Variants in DMD observed in about 807,000 individuals in gnomAD.
DMD encodes mutant dystrophin.
A neutral mutation model predicts 330.1 loss-of-function variants in DMD; 63 were observed. The observed-to-expected ratio is 0.19, with a 90% CI of 0.16 to 0.24. DMD has a LOEUF of 0.24. DMD is among the 10% of genes least tolerant of loss of function. DMD has a pLI of 1.00. For synonymous variants in DMD, 1,223 were observed against 959.8 expected (o/e 1.27, Z -5.07); for missense variants, 3,344 against 2,684.1 (o/e 1.25, Z -5.43).
At chrX:33,043,572 C>T (rs1021929011) in intron 1 of DMD, among the ~76,000 whole-genome samples, 8 of 110,982 alleles carry the variant, frequency 7.2e-5, no homozygotes, top group Admixed American at 3.8e-4. Context: ...CAAGCATACA[C>T]GCATGCACAA....
chrX:31,257,655 T>G (rs895958246), intron 63 of DMD, among the ~76,000 whole-genome samples: 7 of 112,427 alleles, frequency 6.2e-5, no homozygotes, highest in African/African-American at 2.3e-4. Context: ...ATCTCAAGGA[T>G]GTAGGCAGGC....
intron 7 of DMD, among the ~76,000 whole-genome samples, chrX:32,799,714 G>A (rs2076413326): frequency 9.1e-6 from 1 of 109,386 alleles, no homozygotes; most frequent in South Asian, 4.0e-4. Context: ...AAATCATAAC[G>A]GGAAGAGAAT....
chrX:32,481,609 T>C (rs1268875855), intron 21 of DMD, among the ~76,000 whole-genome samples: 3 of 111,518 alleles, frequency 2.7e-5, no homozygotes, highest in African/African-American at 9.8e-5. Flanking sequence ...GCCCTCATTC[T>C]TCACCTTTGG....
chrX:32,624,307 G>A (rs1289496549), intron 11 of DMD, among the ~76,000 whole-genome samples: 1 of 111,432 alleles, frequency 9.0e-6, no homozygotes, highest in Non-Finnish European at 1.9e-5. Flanking sequence ...GGCAGGAGTT[G>A]GTCCTGACAG....
rs1168569514 is a variant in DMD, at chrX:32,628,790, G to A, written c.1332-14337C>T. On this transcript the variant is annotated intron_variant, in intron 11 of 78. Transcript: ENST00000357033. ...CTTCTTTGACCCACTGATAATTCAA[G>A]AGCATATTGTTTAATTTCCATGTGT... 5.4e-5 allele frequency among the ~76,000 whole-genome samples: 6 copies of A among 111,434 alleles called. No individual in the cohort carries two copies. The Admixed American group carries it at 5.7e-4, about 11-fold the overall frequency.
intron 42 of DMD, among the ~76,000 whole-genome samples, chrX:32,297,563 C>T (rs899474818): frequency 1.2e-4 from 13 of 111,727 alleles, no homozygotes; most frequent in Admixed American, 4.8e-4. Flanking sequence ...TGAGCCACCG[C>T]GCCCAGCCTG....
At chrX:32,421,780 C>T (rs959318451) in intron 29 of DMD, among the ~76,000 whole-genome samples, 5 of 111,660 alleles carry the variant, frequency 4.5e-5, no homozygotes, top group Non-Finnish European at 7.5e-5. Context: ...TCCGGTGTGA[C>T]GCTTTAACTT....
rs181069363 is a variant in DMD at position 32,148,488 on chromosome X, A to G, written c.6438+68428T>C. Among the ~76,000 whole-genome samples, 51 of 111,560 alleles carry G rather than the reference A, an allele frequency of 4.6e-4. No individual in the cohort carries two copies. In the Admixed American group the frequency reaches 4.9e-3, roughly 11 times the overall value. Reference sequence around the variant, plus strand: ...ATAAGCTTCTGAGAAATAAATAAATATAAGACTCTACATATCCCATTTCAG... The same window carrying G: ...ATAAGCTTCTGAGAAATAAATAAATGTAAGACTCTACATATCCCATTTCAG... On this transcript the variant is annotated intron_variant, in intron 44 of 78. Transcript: ENST00000357033.
At chrX:32,598,787 T>C (rs1319314260) in intron 12 of DMD, among the ~76,000 whole-genome samples, 1 of 111,929 alleles carries the variant, frequency 8.9e-6, no homozygotes, top group Non-Finnish European at 1.9e-5. Flanking sequence ...GATCAAGGGT[T>C]TATATTTTAT....
chrX:31,619,743 T>C (rs2078420510), intron 55 of DMD, among the ~76,000 whole-genome samples: 1 of 112,266 alleles, frequency 8.9e-6, no homozygotes, highest in Non-Finnish European at 1.9e-5. Flanking sequence ...CTTTGTATCA[T>C]TCTAGATAAT....
At chrX:31,398,250 A>T (rs1284918446) in intron 60 of DMD, among the ~76,000 whole-genome samples, 4 of 112,211 alleles carry the variant, frequency 3.6e-5, no homozygotes, top group Non-Finnish European at 5.6e-5. Context: ...ATTTAAATCT[A>T]GAGCCTCTGA....
At position 32,168,673 on chromosome X, in the gene DMD, G is replaced by A. The variant is rs192572699; in HGVS notation, c.6438+48243C>T. ...TTAATATTTAACCTATCTTTTCCCC[G>A]AAGGGCTCAAGCTGATTATTTTCTT... is the stretch of plus-strand genomic sequence containing the variant. On this transcript the variant is annotated intron_variant, in intron 44 of 78. Coordinates refer to ENST00000357033, the MANE Select transcript of DMD (RefSeq NM_004006.3). 2.1e-4 allele frequency among the ~76,000 whole-genome samples: 23 copies of A among 110,466 alleles called. 1 individual carries two copies. The Admixed American group carries it at 2.1e-3, about 10-fold the overall frequency.
intron 50 of DMD, among the ~76,000 whole-genome samples, chrX:31,811,979 C>G (rs1288251372): frequency 9.1e-6 from 1 of 110,003 alleles, no homozygotes; most frequent in Non-Finnish European, 1.9e-5. Context: ...TAAACGAAGG[C>G]CATTTTCACA....
intron 1 of DMD, among the ~76,000 whole-genome samples, chrX:33,232,614 G>C (rs1358916568): frequency 1.8e-5 from 2 of 111,752 alleles, no homozygotes; most frequent in African/African-American, 6.5e-5. Flanking sequence ...AAAGGAGCCA[G>C]GTGCGGAGTC....
intron 17 of DMD, among the ~76,000 whole-genome samples, 170 bp downstream of exon 17, chrX:32,544,989 T>C (rs1180984374): frequency 3.6e-5 from 4 of 111,990 alleles, no homozygotes; most frequent in Non-Finnish European, 7.5e-5. Context: ...GATAGTGATT[T>C]CTTGTGAAAG....
rs1260497351 is a variant in DMD, at chrX:32,071,243, G to A, written c.6439-102729C>T. ...TAGATGCCTGAGGAATCGCCACACT[G>A]ACTTCCACAATGGTTGAACTAGTTT... On this transcript the variant is annotated intron_variant, in intron 44 of 78. Coordinates refer to ENST00000357033, the MANE Select transcript of DMD (RefSeq NM_004006.3). Among the ~76,000 whole-genome samples the A allele has an allele frequency of 4.5e-5, 5 of 110,202 alleles. No individual in the cohort carries two copies. The East Asian group carries it at 8.7e-4, about 19-fold the overall frequency.
rs773045253 is a variant in DMD at position 32,614,292 on chromosome X, G to A, written c.1482+11C>T. 1.1e-5 allele frequency: 13 copies of A among 1,205,063 alleles called. No homozygotes were observed. The African/African-American group carries it at 1.2e-4, about 11-fold the overall frequency. On this transcript the variant is annotated intron_variant, in intron 12 of 78. Transcript: ENST00000357033. ...TTCTAGTAGAAAGCACGCAACATAA[G>A]ATACACCTACCTTATGTTGTTGTAC...
chrX:32,987,072 C>G (rs1032579509), intron 2 of DMD, among the ~76,000 whole-genome samples: 5 of 112,349 alleles, frequency 4.5e-5, no homozygotes, highest in African/African-American at 1.3e-4. Context: ...AAGACAATTT[C>G]AGATCAATGA....
intron 30 of DMD, among the ~76,000 whole-genome samples, chrX:32,395,409 C>G (rs2098036821): frequency 1.5e-5 from 1 of 64,862 alleles, no homozygotes; most frequent in African/African-American, 6.4e-5. Context: ...ACATCACACA[C>G]CAGGGCCTGT....
Sources: gnomAD v4.1 joint callset for allele counts (sites outside exome capture counted in the v4.1 genomes callset) on GRCh38, gnomAD v4.1.1 for gene constraint, MANE v1.5 for transcripts, NCBI Gene and HGNC (gene_info 2026-07-23, HGNC 2026-07-21) for gene names.